The following ATP11C variants were observed in gnomAD, a reference collection of about 807,000 sequenced individuals.
ATP11C encodes the protein phospholipid-transporting ATPase IG.
In ATP11C, 36 loss-of-function variants were observed where a neutral mutation model predicts 97.4. That is an observed-to-expected ratio of 0.37 (90% CI 0.28 to 0.49). ATP11C has a LOEUF of 0.49. ATP11C is among the 20% of genes least tolerant of loss of function. ATP11C has a pLI of 0.98. For synonymous variants in ATP11C, 275 were observed against 290.9 expected, an observed-to-expected ratio of 0.95 and a Z score of 0.56; for missense variants, 730 against 824.6, an observed-to-expected ratio of 0.89 and a Z score of 1.40.
chrX:139,853,480 GAA>G (rs1569480190), intron 1 of ATP11C, among the ~76,000 whole-genome samples: 1 of 110,708 alleles, frequency 9.0e-6, no homozygotes, highest in African/African-American at 3.3e-5. Flanking sequence ...AAGTCAAAGA[GAA>G]AGAGAGAGAG....
intron 12 of ATP11C, 24 bp from the exon 13 acceptor site, chrX:139,789,512 A>G: frequency 1.8e-6 from 2 of 1,131,783 alleles, no homozygotes; most frequent in Non-Finnish European, 2.4e-6. Flanking sequence ...ACAAACATAT[A>G]TTGTTAGTTT....
intron 28 of ATP11C, among the ~76,000 whole-genome samples, chrX:139,732,015 T>C (rs1017922929): frequency 3.6e-5 from 4 of 111,549 alleles, no homozygotes; most frequent in Non-Finnish European, 5.7e-5. Flanking sequence ...ACTTGGGTTT[T>C]TGGAATGGCA....
intron 18 of ATP11C, among the ~76,000 whole-genome samples, chrX:139,778,338 A>G (rs2082388982): frequency 8.9e-6 from 1 of 112,093 alleles, no homozygotes; most frequent in Non-Finnish European, 1.9e-5. Context: ...CAAACGGATG[A>G]TATTTGCTAC....
intron 1 of ATP11C, among the ~76,000 whole-genome samples, chrX:139,912,306 T>C (rs747948158): frequency 1.7e-4 from 19 of 108,928 alleles, no homozygotes; most frequent in African/African-American, 3.7e-4. Flanking sequence ...AACTATAAAA[T>C]AGAATGATTA....
chrX:139,736,278 G>A (rs1327635260), intron 28 of ATP11C, among the ~76,000 whole-genome samples: 2 of 111,737 alleles, frequency 1.8e-5, no homozygotes, highest in African/African-American at 6.5e-5. Context: ...TAACTTTTTT[G>A]AGAGGGCCTA....
chrX:139,763,484 G>A (rs1187564263), intron 20 of ATP11C, 66 bp from the exon 21 acceptor site: 43 of 830,969 alleles, frequency 5.2e-5, no homozygotes, highest in Non-Finnish European at 7.1e-5. Flanking sequence ...GGCTACTTTA[G>A]GGGTTTATGC....
chrX:139,842,847 T>G (rs1411869761), intron 1 of ATP11C, among the ~76,000 whole-genome samples: 1 of 112,012 alleles, frequency 8.9e-6, no homozygotes, highest in Non-Finnish European at 1.9e-5. Flanking sequence ...TATTTTCAGT[T>G]GTATACTGTG....
chrX:139,786,381 G>C (rs977732496), intron 15 of ATP11C, among the ~76,000 whole-genome samples: 2 of 111,504 alleles, frequency 1.8e-5, no homozygotes, highest in Non-Finnish European at 3.8e-5. Flanking sequence ...CTGTTGGCCA[G>C]ATGTGGGCAC....
At chrX:139,771,392 A>G (rs1317047816) in intron 19 of ATP11C, among the ~76,000 whole-genome samples, 2 of 111,257 alleles carry the variant, frequency 1.8e-5, no homozygotes, top group African/African-American at 6.5e-5. Context: ...CAGCATGAAA[A>G]CGGACTAATA....
At position 139,819,373 on chromosome X, in the gene ATP11C, C is replaced by T; in HGVS notation, c.202G>A (p.Ala68Thr). The T allele has an allele frequency of 1.7e-6, 2 of 1,145,211 alleles. No individual in the cohort carries two copies. The highest frequency in any genetic ancestry group is 2.5e-5 in the Admixed American group (1 of 39,510). The allele number at this position is 1,145,211 out of a possible 1,213,427, so 94.4% of individuals were successfully genotyped here. The change falls in exon 3 of 30, where the codon GCA becomes ACA. Residue 68 changes from alanine to threonine, a missense_variant. Physicochemically the swap from Ala to Thr is moderately conservative, Grantham distance 58. Transcript: ENST00000682941. Reference sequence around the variant, plus strand: ...AAGATTATGAGAAAATAAAAATTTGCAATTCTTCTAAACTGTTCAAACAGA... The same window carrying T: ...AAGATTATGAGAAAATAAAAATTTGTAATTCTTCTAAACTGTTCAAACAGA... ...KNLFEQFRRI[A>T]NFYFLIIFLV...
rs185831710 is a variant in ATP11C, at chrX:139,732,658, G to A, written c.3289-903C>T. On this transcript the variant is annotated intron_variant, in intron 28 of 29. Transcript: ENST00000682941. ...AAAGAAAACTTGAGAATTCGAAGCC[G>A]AAATGATATGTTAGTTTTGAAGACA... 1.2e-4 allele frequency: 25 copies of A among 202,315 alleles called. No homozygotes were observed. In the East Asian group the frequency reaches 2.1e-3, roughly 17 times the overall value. 16.7% of individuals were successfully genotyped at this position (202,315 alleles called of 1,213,427 possible).
At chrX:139,836,996 A>G (rs1462745311) in intron 1 of ATP11C, among the ~76,000 whole-genome samples, 2 of 111,016 alleles carry the variant, frequency 1.8e-5, no homozygotes. Flanking sequence ...TGTAAAATGA[A>G]AACACACACA....
In ATP11C at chrX:139,837,264, A is replaced by G. The variant is rs1288872874; in HGVS notation, c.28-10441T>C. ...TATTTCTAAAGCACACATAGGGGGT[A>G]TCTAGAACCATTATAAGAATTTACA... On this transcript the variant is annotated intron_variant, in intron 1 of 29. Transcript: ENST00000682941. 4.5e-5 allele frequency among the ~76,000 whole-genome samples: 5 copies of G among 112,208 alleles called. No homozygotes were observed. In the East Asian group the frequency reaches 1.4e-3, roughly 31 times the overall value.
chrX:139,910,783 T>C (rs1470142029), intron 1 of ATP11C, among the ~76,000 whole-genome samples: 1 of 110,428 alleles, frequency 9.1e-6, no homozygotes, highest in East Asian at 2.8e-4. Flanking sequence ...TAAAAATTTA[T>C]TGACTTTAAA....
intron 15 of ATP11C, among the ~76,000 whole-genome samples, chrX:139,785,626 T>A (rs1366241187): frequency 4.5e-5 from 5 of 111,768 alleles, no homozygotes; most frequent in Non-Finnish European, 9.4e-5. Context: ...GCCAATTATT[T>A]TAGCAGCATT....
intron 1 of ATP11C, among the ~76,000 whole-genome samples, chrX:139,847,069 CCT>C (rs2083919796): frequency 9.0e-6 from 1 of 110,604 alleles, no homozygotes; most frequent in South Asian, 3.9e-4. Context: ...GTTTCCCTTC[CCT>C]CTCTCTCTCC....
intron 5 of ATP11C, among the ~76,000 whole-genome samples, chrX:139,813,962 G>A (rs187500566): frequency 2.8e-3 from 307 of 111,324 alleles, no homozygotes; most frequent in African/African-American, 9.6e-3. Context: ...TGCCAAAATA[G>A]GTTCACTGAT....
intron 24 of ATP11C, 84 bp downstream of exon 24, chrX:139,749,941 G>A: frequency 1.0e-6 from 1 of 989,687 alleles, no homozygotes; most frequent in Non-Finnish European, 1.4e-6. Flanking sequence ...CAAGTGCACA[G>A]TTCTGTGTTC....
intron 4 of ATP11C, 41 bp from the exon 5 acceptor site, chrX:139,815,026 G>A: frequency 1.3e-6 from 1 of 793,269 alleles, no homozygotes; most frequent in Non-Finnish European, 1.8e-6. Context: ...TTCTGATAAT[G>A]AAATAAAGCT....
Sources: gnomAD v4.1 joint callset for allele counts (sites outside exome capture counted in the v4.1 genomes callset) on GRCh38, gnomAD v4.1.1 for gene constraint, MANE v1.5 for transcripts, NCBI Gene and HGNC (gene_info 2026-07-23, HGNC 2026-07-21) for gene names.